The following GALNT13 variants were observed in gnomAD, a reference collection of about 807,000 sequenced individuals.
GALNT13 encodes polypeptide N-acetylgalactosaminyltransferase 13.
GALNT13 carries 28 observed loss-of-function variants against 64.2 expected under a neutral mutation model. The ratio of observed to expected loss-of-function variants is 0.44; its 90% CI spans 0.32 to 0.60. The LOEUF (loss-of-function observed/expected upper bound fraction) is 0.60, where lower values mean the gene tolerates loss of function less well. Ranked by LOEUF, GALNT13 falls within the 20% of genes least tolerant of loss-of-function variation. The probability of loss-of-function intolerance (pLI) is 0.05; values close to 1 mark genes in which losing one functional copy is unlikely to be tolerated. For missense variants in GALNT13, 577 were observed against 669.8 expected (o/e 0.86, Z 1.53); for synonymous variants, 214 against 224.6 (o/e 0.95, Z 0.42).
chr2:154,375,020 G>A (rs1471650337), intron 9 of GALNT13, among the ~76,000 whole-genome samples: 1 of 151,994 alleles, frequency 6.6e-6, no homozygotes, highest in Admixed American at 6.6e-5. Context: ...ACAGAGTCTC[G>A]CTCTTGCCCA....
chr2:154,409,208 T>G (rs1699685009), intron 11 of GALNT13, 126 bp downstream of exon 11: 1 of 712,990 alleles, frequency 1.4e-6, no homozygotes, highest in Admixed American at 2.2e-5. Flanking sequence ...TACACTCAAA[T>G]CTAGAACTAA....
At chr2:153,849,820 G>A in the GALNT13 span, among the ~76,000 whole-genome samples, 1 of 151,930 alleles carries the variant, frequency 6.6e-6, no homozygotes, top group Non-Finnish European at 1.5e-5. Flanking sequence ...GGTGAGTTAC[G>A]TATGAGCATA....
chr2:153,698,801 A>T, the GALNT13 span, among the ~76,000 whole-genome samples: 17 of 152,360 alleles, frequency 1.1e-4, no homozygotes, highest in East Asian at 7.7e-4. Context: ...TCAGTGTTAC[A>T]TGGCACTTAT....
At chr2:154,032,760 T>G (rs909128136) in intron 3 of GALNT13, among the ~76,000 whole-genome samples, 1 of 151,356 alleles carries the variant, frequency 6.6e-6, no homozygotes, top group African/African-American at 2.4e-5. Flanking sequence ...TCGTTAACCT[T>G]AAATAAGACA....
intron 1 of GALNT13, among the ~76,000 whole-genome samples, chr2:153,893,807 C>A (rs928195933): frequency 4.6e-5 from 7 of 151,836 alleles, no homozygotes; most frequent in Non-Finnish European, 7.4e-5. Context: ...ATAAATGACA[C>A]GGATGAAGTA....
At chr2:153,077,486 T>A in the GALNT13 span, among the ~76,000 whole-genome samples, 1 of 151,996 alleles carries the variant, frequency 6.6e-6, no homozygotes, top group African/African-American at 2.4e-5. Flanking sequence ...GGAAGCAAAA[T>A]AAACAGATTG....
chr2:154,247,602 C>A (rs538469204), intron 7 of GALNT13, among the ~76,000 whole-genome samples: 82 of 152,102 alleles, frequency 5.4e-4, no homozygotes, highest in African/African-American at 1.9e-3. Context: ...AATTACTGAT[C>A]TCATTCATAA....
the GALNT13 span, among the ~76,000 whole-genome samples, chr2:153,356,291 T>G: frequency 1.3e-5 from 2 of 152,214 alleles, no homozygotes; most frequent in African/African-American, 4.8e-5. Context: ...GAGTAATGAT[T>G]AAAACTTGAC....
At chr2:153,725,109 T>C in the GALNT13 span, among the ~76,000 whole-genome samples, 93 of 148,368 alleles carry the variant, frequency 6.3e-4, no homozygotes, top group Non-Finnish European at 1.2e-3. Flanking sequence ...ATATACACCA[T>C]GGAATACTAT....
the GALNT13 span, among the ~76,000 whole-genome samples, chr2:153,581,450 A>T: frequency 7.2e-5 from 11 of 152,070 alleles, no homozygotes; most frequent in African/African-American, 2.2e-4. Context: ...TAGAACACAA[A>T]TATTTTCAAA....
intron 3 of GALNT13, among the ~76,000 whole-genome samples, chr2:153,964,978 T>C (rs1166801425): frequency 6.6e-6 from 1 of 152,168 alleles, no homozygotes; most frequent in Non-Finnish European, 1.5e-5. Flanking sequence ...ATTTTACCAC[T>C]GAATAATGTT....
At chr2:153,726,197 CTA>C in the GALNT13 span, among the ~76,000 whole-genome samples, 6 of 152,062 alleles carry the variant, frequency 3.9e-5, no homozygotes, top group Non-Finnish European at 7.4e-5. Flanking sequence ...GTAGACATCA[CTA>C]TATAAATGAA....
At chr2:153,260,563 G>T in the GALNT13 span, among the ~76,000 whole-genome samples, 463 of 152,266 alleles carry the variant, frequency 3.0e-3, no homozygotes, top group African/African-American at 0.011. Context: ...GCAATCTGCT[G>T]CCTAACATAT....
the GALNT13 span, among the ~76,000 whole-genome samples, chr2:153,257,350 T>C: frequency 6.6e-6 from 1 of 152,040 alleles, no homozygotes; most frequent in African/African-American, 2.4e-5. Context: ...GCGCCCACTG[T>C]CTGGCACTCC....
At chr2:154,314,701 G>A (rs997362931) in intron 9 of GALNT13, among the ~76,000 whole-genome samples, 2 of 152,070 alleles carry the variant, frequency 1.3e-5, no homozygotes, top group African/African-American at 4.8e-5. Flanking sequence ...TTAACAACTA[G>A]CTCTCAGGGA....
the GALNT13 span, among the ~76,000 whole-genome samples, chr2:153,253,936 G>A: frequency 1.3e-5 from 2 of 152,114 alleles, no homozygotes; most frequent in East Asian, 3.9e-4. Context: ...TGTCTTTTTT[G>A]GTTGTGTCTC....
At chr2:154,212,213 G>C (rs187455703) in intron 4 of GALNT13, among the ~76,000 whole-genome samples, 27 of 152,122 alleles carry the variant, frequency 1.8e-4, no homozygotes, top group African/African-American at 6.5e-4. Flanking sequence ...AGGGGTGCAG[G>C]GGGTAGGGGG....
the GALNT13 span, among the ~76,000 whole-genome samples, chr2:153,560,764 C>G: frequency 2.0e-5 from 3 of 152,036 alleles, no homozygotes; most frequent in African/African-American, 4.8e-5. Context: ...GGTCCCCCAC[C>G]ACATGCTCTT....
chr2:153,968,089 G>C (rs1307555608), intron 3 of GALNT13, among the ~76,000 whole-genome samples: 1 of 152,114 alleles, frequency 6.6e-6, no homozygotes, highest in Non-Finnish European at 1.5e-5. Context: ...ACCACAGCTG[G>C]TGTTGCTCTG....
Sources: gnomAD v4.1 joint callset for allele counts (sites outside exome capture counted in the v4.1 genomes callset) on GRCh38, gnomAD v4.1.1 for gene constraint, MANE v1.5 for transcripts, NCBI Gene and HGNC (gene_info 2026-07-23, HGNC 2026-07-21) for gene names.